IKZF2: variants seen among roughly 807,000 people sequenced by gnomAD.
IKZF2 encodes the protein zinc finger protein Helios.
IKZF2 carries 15 observed loss-of-function variants against 49.2 expected under a neutral mutation model. That is an observed-to-expected ratio of 0.30 (90% CI 0.20 to 0.47). The LOEUF is 0.47. Among genes scored for constraint, IKZF2 ranks in the 20% least tolerant of loss-of-function variants. The probability of loss-of-function intolerance (pLI) is 1.00; values close to 1 mark genes in which losing one functional copy is unlikely to be tolerated. For synonymous variants in IKZF2, 227 were observed against 221.4 expected (o/e 1.03, Z -0.23); for missense variants, 567 against 664.6 (o/e 0.85, Z 1.61).
rs750756552 is a variant in IKZF2, at chr2:213,147,808, G to A, written c.39C>T (p.Asp13=). ...GCTCCCTTTCGGGTGAAAGCTCATT[G>A]TCACCTGCTTTCACAAAATATAATC... The part of the protein sequence containing the change: ...TEAIDGYITC[D]NELSPEREHS... The change falls in exon 4 of 9, where the codon GAC becomes GAT. Residue 13 remains aspartate (D), a synonymous_variant. Coordinates refer to ENST00000434687, the MANE Select transcript of IKZF2 (RefSeq NM_001387220.1). The A allele has an allele frequency of 6.2e-7, 1 of 1,607,424 alleles. No individual in the cohort carries two copies. Among genetic ancestry groups the A allele is most frequent in the South Asian group, 1.1e-5 (1 of 90,932 alleles).
At chr2:213,106,724 T>G (rs1161935498) in intron 4 of IKZF2, among the ~76,000 whole-genome samples, 5 of 151,550 alleles carry the variant, frequency 3.3e-5, no homozygotes, top group Non-Finnish European at 7.4e-5. Context: ...AGACTAAATA[T>G]CTAAAAGTTT....
At chr2:213,143,968 TCCTGATAA>T (rs1402632979) in intron 4 of IKZF2, among the ~76,000 whole-genome samples, 3 of 151,950 alleles carry the variant, frequency 2.0e-5, no homozygotes, top group African/African-American at 7.2e-5. Flanking sequence ...TATGTCCCAA[TCCTGATAA>T]CTTCATCTTT....
chr2:213,136,529 T>C (rs2060684216), intron 4 of IKZF2, among the ~76,000 whole-genome samples: 1 of 152,118 alleles, frequency 6.6e-6, no homozygotes, highest in Admixed American at 6.5e-5. Flanking sequence ...TTTCAGTATT[T>C]ATCATTGATG....
chr2:213,106,007 T>C (rs2059511967), intron 4 of IKZF2, among the ~76,000 whole-genome samples: 1 of 152,240 alleles, frequency 6.6e-6, no homozygotes, highest in Non-Finnish European at 1.5e-5. Flanking sequence ...TGAAAACGTT[T>C]TCTTCAATCA....
intron 4 of IKZF2, among the ~76,000 whole-genome samples, chr2:213,136,387 A>AAAAAAAAAAAG (rs2060672831): frequency 1.0e-5 from 1 of 99,860 alleles, no homozygotes; most frequent in African/African-American, 2.9e-5. Flanking sequence ...AAAAAAAAAA[A>AAAAAAAAAAAG]AAAAGAAAAA....
At chr2:213,036,324 T>C (rs1387870871) in intron 6 of IKZF2, among the ~76,000 whole-genome samples, 1 of 152,194 alleles carries the variant, frequency 6.6e-6, no homozygotes, top group Non-Finnish European at 1.5e-5. Flanking sequence ...AACATCTCTT[T>C]CTTTAAACTT....
At chr2:213,053,686 C>G (rs975620703) in intron 5 of IKZF2, among the ~76,000 whole-genome samples, 1 of 152,114 alleles carries the variant, frequency 6.6e-6, no homozygotes. Flanking sequence ...AATGTCCAAT[C>G]GATATGTGTT....
At chr2:213,115,415 T>A (rs530311112) in intron 4 of IKZF2, among the ~76,000 whole-genome samples, 2 of 152,330 alleles carry the variant, frequency 1.3e-5, no homozygotes, top group African/African-American at 4.8e-5. Context: ...AGCGAATATT[T>A]CCTTTATCTC....
At chr2:213,148,709 A>G in intron 2 of IKZF2, 65 bp from the exon 3 acceptor site, 1 of 1,353,436 alleles carries the variant, frequency 7.4e-7, no homozygotes, top group Non-Finnish European at 1.1e-6. Context: ...TTAAATTCTT[A>G]ACTTATTTGA....
chr2:213,022,047 T>C lies in IKZF2; in HGVS notation c.658A>G (p.Asn220Asp). Residue 220 changes from asparagine (N) to aspartate (D), a missense_variant, in exon 7 of 9, where the codon AAC becomes GAC. This residue lies in a region of IKZF2 where 310 missense variants were observed against 326.9 expected (regional missense o/e 0.95). Transcript: ENST00000434687. ...SLEEHKERCHNYLQNVSMEAA... is the reference protein window; with the variant it reads ...SLEEHKERCHDYLQNVSMEAA... ...TCCATGCTGACATTCTGGAGATAGTTGTGGCAGCGTTCCTTGTGCTCCTCC... is the reference window on the plus strand; with the variant it reads ...TCCATGCTGACATTCTGGAGATAGTCGTGGCAGCGTTCCTTGTGCTCCTCC... 3 of 1,613,908 alleles carry C rather than the reference T, an allele frequency of 1.9e-6. No homozygotes were observed. Among genetic ancestry groups the C allele is most frequent in the Non-Finnish European group, 2.5e-6 (3 of 1,179,832 alleles).
Position 213,007,375 on chromosome 2 carries a change from C to A in IKZF2, c.1566G>T (p.Glu522Asp). Residue 522 changes from glutamate (E) to aspartate (D), a missense_variant, in exon 9 of 9, where the codon GAG (glutamate) becomes GAT (aspartate). Physicochemically the swap from Glu to Asp is conservative, Grantham distance 45. Transcript: ENST00000434687. ...YEFSSHIVRGEHTFH is the reference protein window; with the variant it reads ...YEFSSHIVRGDHTFH ...ATGAAAAGGCCTAGTGGAATGTGTG[C>A]TCCCCTCGAACAATGTGTGATGAAA... 1 of 1,613,056 alleles carries A rather than the reference C, an allele frequency of 6.2e-7. No individual in the cohort carries two copies. The highest frequency in any genetic ancestry group is 8.5e-7 in the Non-Finnish European group (1 of 1,179,472).
intron 6 of IKZF2, among the ~76,000 whole-genome samples, chr2:213,027,093 C>T (rs1248365377): frequency 1.3e-5 from 2 of 151,986 alleles, no homozygotes; most frequent in Non-Finnish European, 2.9e-5. Context: ...TTTTCAGCTC[C>T]TTCTTTTGGT....
chr2:213,123,095 C>A (rs2060110900), intron 4 of IKZF2, among the ~76,000 whole-genome samples: 1 of 152,166 alleles, frequency 6.6e-6, no homozygotes, highest in Non-Finnish European at 1.5e-5. Flanking sequence ...TTGCTAATAT[C>A]CTCAGAGGAA....
chr2:213,079,418 T>G (rs1305849516), intron 4 of IKZF2, among the ~76,000 whole-genome samples: 2 of 39,008 alleles, frequency 5.1e-5, no homozygotes, highest in Admixed American at 2.3e-4. Context: ...GAAGGAAGCA[T>G]GGAAGGAAGG....
intron 4 of IKZF2, among the ~76,000 whole-genome samples, chr2:213,081,422 A>G (rs1046719197): frequency 2.6e-5 from 4 of 152,248 alleles, no homozygotes; most frequent in African/African-American, 4.8e-5. Context: ...CATTTATTGA[A>G]CTACAATGAG....
chr2:213,124,226 ACGCACACATGCGCTCGCGCGCGCG>A, intron 4 of IKZF2, among the ~76,000 whole-genome samples: 1 of 143,396 alleles, frequency 7.0e-6, no homozygotes, highest in Admixed American at 7.2e-5. Context: ...CCTTGTGTGC[ACGCACACATGCGCTCGCGCGCGCG>A]CGCACACACA....
At chr2:213,085,179 G>T (rs561387464) in intron 4 of IKZF2, among the ~76,000 whole-genome samples, 2 of 152,170 alleles carry the variant, frequency 1.3e-5, no homozygotes, top group Non-Finnish European at 2.9e-5. Context: ...AGAAACAGAT[G>T]ATGTTAAAAG....
chr2:213,055,607 C>A (rs1227417026), intron 5 of IKZF2, among the ~76,000 whole-genome samples: 2 of 151,896 alleles, frequency 1.3e-5, no homozygotes, highest in Non-Finnish European at 2.9e-5. Flanking sequence ...TACAGTCATA[C>A]CTTATAATAA....
rs148150271 is a variant in IKZF2 at position 213,108,735 on chromosome 2, C to T, written c.139+38973G>A. On this transcript the variant is annotated intron_variant, in intron 4 of 8. Coordinates refer to ENST00000434687, the MANE Select transcript of IKZF2 (RefSeq NM_001387220.1). ...TCCTACAATTCAATCTCGAAGAATA[C>T]ATAAACATAAAAAAGCAATACAACA... 3.7e-4 allele frequency among the ~76,000 whole-genome samples: 56 copies of T among 151,916 alleles called. 3 individuals are homozygous for T. In the East Asian group the frequency reaches 9.9e-3, roughly 27 times the overall value.
Sources: allele counts gnomAD v4.1 joint callset (sites outside exome capture counted in the v4.1 genomes callset), GRCh38; gene constraint gnomAD v4.1.1; regional missense constraint gnomAD v4.1.1; transcripts MANE v1.5; gene names NCBI Gene and HGNC (gene_info 2026-07-23, HGNC 2026-07-21).